Variants in ZDHHC11 observed in about 807,000 individuals in gnomAD.
ZDHHC11 encodes zDHHC palmitoyltransferase 11.
ZDHHC11 carries 44 observed loss-of-function variants against 51.3 expected under a neutral mutation model. The observed-to-expected ratio is 0.86, with a 90% CI of 0.67 to 1.10. ZDHHC11 has a LOEUF of 1.10. ZDHHC11 is among the 50% of genes least tolerant of loss of function. The pLI, the probability that ZDHHC11 is intolerant of heterozygous loss-of-function variation, is 0.00. For missense variants in ZDHHC11, 400 were observed against 537.7 expected (o/e 0.74, Z 2.53); for synonymous variants, 163 against 222.0 (o/e 0.73, Z 2.36).
intron 8 of ZDHHC11, chr5:824,098 C>A: frequency 2.2e-6 from 1 of 454,836 alleles, no homozygotes; most frequent in East Asian, 7.0e-5. Flanking sequence ...GTGGCCCTGC[C>A]CCCACAGGGA....
At position 803,775 on chromosome 5, in the gene ZDHHC11, G is replaced by A. The variant is rs541338327; in HGVS notation, c.1182-2611C>T. On this transcript the variant is annotated intron_variant, in intron 11 of 12. Transcript: ENST00000283441. ...AATAAAGTAGGAAAATTACATATGA[G>A]CAAATTAGATTAGTAGTAGAGATAG... 1.1e-3 allele frequency among the ~76,000 whole-genome samples: 171 copies of A among 150,562 alleles called. 7 individuals are homozygous for A. Among genetic ancestry groups the A allele is most frequent in the African/African-American group, 4.1e-3 (167 of 40,958 alleles).
chr5:843,042 C>G (rs1272222214), intron 4 of ZDHHC11, among the ~76,000 whole-genome samples: 2 of 152,200 alleles, frequency 1.3e-5, no homozygotes, highest in African/African-American at 4.8e-5. Flanking sequence ...ATCACGGGAT[C>G]TGGGTTAGGC....
intron 6 of ZDHHC11, among the ~76,000 whole-genome samples, chr5:834,064 T>C (rs1743432752): frequency 6.6e-6 from 1 of 152,300 alleles, no homozygotes; most frequent in Non-Finnish European, 1.5e-5. Context: ...CTTTCCAGTG[T>C]GGTGGCACTT....
Sources: allele counts gnomAD v4.1 joint callset (sites outside exome capture counted in the v4.1 genomes callset), GRCh38; gene constraint gnomAD v4.1.1; transcripts MANE v1.5; gene names NCBI Gene and HGNC (gene_info 2026-07-23, HGNC 2026-07-21).